Variants in SAMD5 observed in about 807,000 individuals in gnomAD.
SAMD5 encodes the protein sterile alpha motif domain-containing protein 5.
Under a neutral mutation model 11.3 loss-of-function variants are expected in SAMD5, and 13 were observed. The ratio of observed to expected loss-of-function variants is 1.15; its 90% CI spans 0.75 to 1.83. The LOEUF is 1.83. SAMD5 is among the 40% of genes most tolerant of loss of function. The pLI, the probability that SAMD5 is intolerant of heterozygous loss-of-function variation, is 0.00. For synonymous variants in SAMD5, 129 were observed against 111.3 expected (o/e 1.16, Z -1.00); for missense variants, 255 against 239.1 (o/e 1.07, Z -0.44).
chr6:147,651,454 G>C (rs1054549057), intron 1 of SAMD5, among the ~76,000 whole-genome samples: 2 of 152,150 alleles, frequency 1.3e-5, no homozygotes, highest in Non-Finnish European at 2.9e-5. Flanking sequence ...TGACCCCCAG[G>C]GTGATGGTAT....
chr6:147,579,514 A>G (rs999065308), intron 1 of SAMD5, among the ~76,000 whole-genome samples: 1 of 138,450 alleles, frequency 7.2e-6, no homozygotes, highest in African/African-American at 2.8e-5. Context: ...AGTGCAGGCT[A>G]AAGTGCAGCA....
At chr6:147,781,772 G>A in the SAMD5 span, among the ~76,000 whole-genome samples, 4 of 146,354 alleles carry the variant, frequency 2.7e-5, no homozygotes, top group South Asian at 2.2e-4. Flanking sequence ...ATTTGTGTGC[G>A]CACACACACA....
rs702345 is a variant in SAMD5, at chr6:147,565,905, T to A, written c.*1449T>A. The A allele has an allele frequency of 1.0e-6, 1 of 985,306 alleles. No homozygotes were observed. The highest frequency in any genetic ancestry group is 1.2e-6 in the Non-Finnish European group (1 of 829,862). 61.0% of individuals were successfully genotyped at this position (985,306 alleles called of 1,614,324 possible). The stretch of plus-strand genomic sequence containing the variant: ...ATTGTTTAGAGCTCCCAAGTAGTAC[T>A]GCATTACGGAATCTACTACTTAGAA... On this transcript the variant is annotated 3_prime_UTR_variant, in exon 2 of 2. Transcript: ENST00000367474.
intron 1 of SAMD5, among the ~76,000 whole-genome samples, chr6:147,589,796 G>C (rs1789427854): frequency 6.6e-6 from 1 of 152,160 alleles, no homozygotes; most frequent in Non-Finnish European, 1.5e-5. Context: ...ATTAAATATA[G>C]TATAAATGTG....
At chr6:147,629,359 A>C (rs1790106104) in intron 1 of SAMD5, among the ~76,000 whole-genome samples, 1 of 152,182 alleles carries the variant, frequency 6.6e-6, no homozygotes, top group Non-Finnish European at 1.5e-5. Context: ...GGGAAATATT[A>C]ATGTATTGGA....
chr6:147,746,286 T>G, the SAMD5 span, among the ~76,000 whole-genome samples: 1 of 152,140 alleles, frequency 6.6e-6, no homozygotes, highest in Non-Finnish European at 1.5e-5. Flanking sequence ...TTTGAAGCTG[T>G]CTCCTGGGCT....
chr6:147,924,043 G>A, the SAMD5 span, among the ~76,000 whole-genome samples: 1 of 152,182 alleles, frequency 6.6e-6, no homozygotes, highest in Non-Finnish European at 1.5e-5. Context: ...TGAGTCAAAG[G>A]TTCAATGGCT....
At chr6:147,936,174 G>T in the SAMD5 span, among the ~76,000 whole-genome samples, 29 of 152,298 alleles carry the variant, frequency 1.9e-4, no homozygotes, top group Admixed American at 1.7e-3. Context: ...AGGCCCTTAG[G>T]ATGTTGTACT....
the SAMD5 span, among the ~76,000 whole-genome samples, chr6:147,804,301 G>A: frequency 3.3e-5 from 5 of 151,592 alleles, no homozygotes; most frequent in South Asian, 2.1e-4. Context: ...TAGTAGAGAC[G>A]GGGTTTCACC....
the SAMD5 span, among the ~76,000 whole-genome samples, chr6:147,770,791 C>T: frequency 7.8e-3 from 1,187 of 152,140 alleles, 11 homozygotes; most frequent in African/African-American, 0.028. Flanking sequence ...AAATAAATTC[C>T]AGACCTTAGA....
At position 147,535,432 on chromosome 6, in the gene SAMD5, C is replaced by G. The variant is rs577237194; in HGVS notation, c.459+26045C>G. ...ATTAGTTTGGGGATTTTAACCTGCA[C>G]ATAATTTAGAATTTAGTTTAAACTG... On this transcript the variant is annotated intron_variant, in intron 1 of 1. Coordinates refer to ENST00000367474, the MANE Select transcript of SAMD5 (RefSeq NM_001030060.3). Among the ~76,000 whole-genome samples, 3 of 152,298 alleles carry G rather than the reference C, an allele frequency of 2.0e-5. No homozygotes were observed. In the South Asian group the frequency reaches 6.2e-4, roughly 32 times the overall value.
At chr6:147,759,024 G>A in the SAMD5 span, among the ~76,000 whole-genome samples, 3 of 152,188 alleles carry the variant, frequency 2.0e-5, no homozygotes, top group Admixed American at 6.5e-5. Flanking sequence ...AGAGAGGAAT[G>A]GGGTAGGAGC....
chr6:147,598,055 G>A (rs1562329821), intron 1 of SAMD5, among the ~76,000 whole-genome samples: 1 of 152,064 alleles, frequency 6.6e-6, no homozygotes, highest in Non-Finnish European at 1.5e-5. Flanking sequence ...ATGCAGTGGA[G>A]TCCTGGAGCT....
At chr6:147,752,188 T>C in the SAMD5 span, among the ~76,000 whole-genome samples, 3 of 152,194 alleles carry the variant, frequency 2.0e-5, no homozygotes, top group Admixed American at 2.0e-4. Flanking sequence ...ATTTATAATC[T>C]TGATATGTCC....
At chr6:147,743,936 CAGTT>C in the SAMD5 span, among the ~76,000 whole-genome samples, 1 of 152,150 alleles carries the variant, frequency 6.6e-6, no homozygotes, top group African/African-American at 2.4e-5. Context: ...AGGGATTTCA[CAGTT>C]AGCCCTTGAA....
intron 1 of SAMD5, among the ~76,000 whole-genome samples, chr6:147,563,920 A>T (rs1001314377): frequency 2.6e-5 from 4 of 152,200 alleles, no homozygotes; most frequent in African/African-American, 9.6e-5. Flanking sequence ...TGGAAGATGC[A>T]TTTCAAACTA....
At chr6:147,788,205 A>G in the SAMD5 span, among the ~76,000 whole-genome samples, 1 of 152,326 alleles carries the variant, frequency 6.6e-6, no homozygotes, top group South Asian at 2.1e-4. Context: ...TAAAATGTTT[A>G]CATTGAAACA....
chr6:147,872,693 T>G, the SAMD5 span, among the ~76,000 whole-genome samples: 1 of 152,186 alleles, frequency 6.6e-6, no homozygotes, highest in East Asian at 1.9e-4. Context: ...ACTTGCCCAC[T>G]TCATGGTCCG....
chr6:147,721,893 T>A (rs1791557239), intron 1 of SAMD5, among the ~76,000 whole-genome samples: 1 of 152,236 alleles, frequency 6.6e-6, no homozygotes, highest in South Asian at 2.1e-4. Flanking sequence ...ATAATTTTTA[T>A]ATCCCATTAA....
Sources: allele counts gnomAD v4.1 joint callset (sites outside exome capture counted in the v4.1 genomes callset), GRCh38; gene constraint gnomAD v4.1.1; transcripts MANE v1.5; gene names NCBI Gene and HGNC (gene_info 2026-07-23, HGNC 2026-07-21).